Variants in EVI5 observed in about 807,000 individuals in gnomAD.
EVI5 encodes ecotropic viral integration site 5 protein homolog.
EVI5 carries 73 observed loss-of-function variants against 112.0 expected under a neutral mutation model. The ratio of observed to expected loss-of-function variants is 0.65; its 90% CI spans 0.54 to 0.79. The LOEUF (loss-of-function observed/expected upper bound fraction) is 0.79, where lower values mean the gene tolerates loss of function less well. Among genes scored for constraint, EVI5 ranks in the 30% least tolerant of loss-of-function variants. EVI5 has a pLI of 0.00. For synonymous variants in EVI5, 305 were observed against 319.9 expected, an observed-to-expected ratio of 0.95 and a Z score of 0.50; for missense variants, 900 against 968.8, an observed-to-expected ratio of 0.93 and a Z score of 0.94.
At chr1:92,654,303 AC>A (rs1046949628) in intron 13 of EVI5, among the ~76,000 whole-genome samples, 2 of 152,134 alleles carry the variant, frequency 1.3e-5, no homozygotes, top group African/African-American at 4.8e-5. Context: ...ATCTGCTGAC[AC>A]AAGTGCACAG....
At chr1:92,749,645 A>G (rs1031733735) in intron 1 of EVI5, among the ~76,000 whole-genome samples, 1 of 152,066 alleles carries the variant, frequency 6.6e-6, no homozygotes, top group Non-Finnish European at 1.5e-5. Context: ...GTTAAGCAGG[A>G]GAGTACTAAC....
intron 1 of EVI5, among the ~76,000 whole-genome samples, chr1:92,759,706 A>G (rs748616079): frequency 1.3e-5 from 2 of 152,184 alleles, no homozygotes; most frequent in Non-Finnish European, 1.5e-5. Flanking sequence ...GTGGGATCAT[A>G]CTTATATCAT....
At chr1:92,730,337 G>A (rs1676244162) in intron 2 of EVI5, among the ~76,000 whole-genome samples, 1 of 151,756 alleles carries the variant, frequency 6.6e-6, no homozygotes, top group Admixed American at 6.6e-5. Context: ...CAGCCTAAGT[G>A]ACAGAGCAAG....
At chr1:92,573,065 T>C (rs983539341) in intron 18 of EVI5, among the ~76,000 whole-genome samples, 2 of 152,094 alleles carry the variant, frequency 1.3e-5, no homozygotes, top group African/African-American at 4.8e-5. Context: ...AAAAACATAC[T>C]ACCTAATAAA....
intron 1 of EVI5, among the ~76,000 whole-genome samples, chr1:92,746,803 G>A (rs1370136424): frequency 6.6e-6 from 1 of 151,876 alleles, no homozygotes; most frequent in Non-Finnish European, 1.5e-5. Flanking sequence ...ATGCTAAGGC[G>A]GGAGGATCAC....
chr1:92,555,010 G>A (rs569946612), intron 19 of EVI5, among the ~76,000 whole-genome samples: 1 of 152,110 alleles, frequency 6.6e-6, no homozygotes, highest in Admixed American at 6.6e-5. Context: ...AGAAAAGAAT[G>A]GGTTTTTAAA....
At position 92,694,397 on chromosome 1, in the gene EVI5, A is replaced by G; in HGVS notation, c.910-9T>C. The G allele has an allele frequency of 6.6e-7, 1 of 1,517,504 alleles. No homozygotes were observed. Among genetic ancestry groups the G allele is most frequent in the South Asian group, 1.2e-5 (1 of 84,178 alleles). 94.0% of individuals were successfully genotyped at this position (1,517,504 alleles called of 1,614,324 possible). A position where few individuals can be genotyped will look rare whatever the true frequency, so the allele number is the denominator to read the frequency against. The stretch of plus-strand genomic sequence containing the variant: ...AACACTATTTCTAAACCCTGAGGAA[A>G]CAAATTAAATAAATCCAAATTTATG... On this transcript the variant is annotated splice_polypyrimidine_tract_variant and intron_variant, in intron 7 of 19. Transcript: ENST00000684568.
chr1:92,589,812 GCCT>G (rs1214763129), intron 18 of EVI5, among the ~76,000 whole-genome samples: 1 of 152,174 alleles, frequency 6.6e-6, no homozygotes, highest in African/African-American at 2.4e-5. Flanking sequence ...CCGACAGACT[GCCT>G]CCTCAAGTGG....
At chr1:92,740,703 T>C (rs145828994) in intron 1 of EVI5, among the ~76,000 whole-genome samples, 290 of 152,364 alleles carry the variant, frequency 1.9e-3, no homozygotes, top group Non-Finnish European at 3.0e-3. Flanking sequence ...TTACTGAGTA[T>C]TCTGTGTAAG....
chr1:92,687,143 T>C (rs929900022), intron 9 of EVI5, among the ~76,000 whole-genome samples: 21 of 152,104 alleles, frequency 1.4e-4, no homozygotes, highest in African/African-American at 4.6e-4. Context: ...CAAACTATAC[T>C]ACAAGGCTAC....
chr1:92,717,981 T>G (rs1337056679), intron 2 of EVI5, among the ~76,000 whole-genome samples: 1 of 151,844 alleles, frequency 6.6e-6, no homozygotes, highest in African/African-American at 2.4e-5. Flanking sequence ...AGGGATCAAT[T>G]CAACAAGAGC....
At chr1:92,611,093 A>G (rs969012636) in intron 16 of EVI5, among the ~76,000 whole-genome samples, 1 of 141,868 alleles carries the variant, frequency 7.0e-6, no homozygotes, top group African/African-American at 2.7e-5. Flanking sequence ...AACTTAAAGT[A>G]TAATAAAAAA....
chr1:92,603,638 T>TA lies in EVI5; in HGVS notation c.2070+1668dup, dbSNP rs577304168. Among the ~76,000 whole-genome samples, 254 of 152,116 alleles carry TA rather than the reference T, an allele frequency of 1.7e-3. 2 individuals are homozygous for TA. Among genetic ancestry groups the TA allele is most frequent in the Admixed American group, 0.013 (203 of 15,292 alleles). On this transcript the variant is annotated intron_variant, in intron 18 of 19. Transcript: ENST00000684568. ...TTTTTTAAACTTTTTGACTCTTTTA[T>TA]AACATTTAGCTTAGCAAACATTGTA... is the stretch of plus-strand genomic sequence containing the variant.
At chr1:92,578,082 T>C (rs141209670) in intron 18 of EVI5, among the ~76,000 whole-genome samples, 1 of 152,310 alleles carries the variant, frequency 6.6e-6, no homozygotes, top group Non-Finnish European at 1.5e-5. Flanking sequence ...ACAAGTCTTT[T>C]GGGTGGTGGT....
chr1:92,569,365 T>C lies in EVI5; in HGVS notation c.2071-5628A>G, dbSNP rs536797464. ...TTCTTGGATTTGTTACAAAAGTCTATGTATTTACTTTAATATTTATTTTAG... is the reference window on the plus strand; with the variant it reads ...TTCTTGGATTTGTTACAAAAGTCTACGTATTTACTTTAATATTTATTTTAG... On this transcript the variant is annotated intron_variant, in intron 18 of 19. Coordinates refer to ENST00000684568, the MANE Select transcript of EVI5 (RefSeq NM_001350197.2). Among the ~76,000 whole-genome samples, 5 of 152,340 alleles carry C rather than the reference T, an allele frequency of 3.3e-5. No homozygotes were observed. The East Asian group carries it at 7.7e-4, about 23-fold the overall frequency.
At chr1:92,573,044 T>C (rs1361189276) in intron 18 of EVI5, among the ~76,000 whole-genome samples, 1 of 152,106 alleles carries the variant, frequency 6.6e-6, no homozygotes, top group Non-Finnish European at 1.5e-5. Context: ...GGATATTCTA[T>C]TATCTGCAAC....
chr1:92,543,827 T>C (rs1665233190), intron 19 of EVI5, among the ~76,000 whole-genome samples: 1 of 152,064 alleles, frequency 6.6e-6, no homozygotes, highest in Non-Finnish European at 1.5e-5. Flanking sequence ...GCACACGCTG[T>C]TGGAAAAACG....
chr1:92,521,796 G>A (rs1296636765), intron 19 of EVI5, among the ~76,000 whole-genome samples: 3 of 151,718 alleles, frequency 2.0e-5, no homozygotes, highest in Admixed American at 6.6e-5. Flanking sequence ...CATTTTAAAA[G>A]CTTAACAGCA....
intron 19 of EVI5, among the ~76,000 whole-genome samples, chr1:92,553,888 T>C (rs1173140359): frequency 6.6e-6 from 1 of 152,244 alleles, no homozygotes; most frequent in Non-Finnish European, 1.5e-5. Flanking sequence ...AACTTCAAAC[T>C]CTTCAAACAG....
Sources: allele counts gnomAD v4.1 joint callset (sites outside exome capture counted in the v4.1 genomes callset), GRCh38; gene constraint gnomAD v4.1.1; transcripts MANE v1.5; gene names NCBI Gene and HGNC (gene_info 2026-07-23, HGNC 2026-07-21).